KLF7: variants seen among roughly 807,000 people sequenced by gnomAD.
KLF7 encodes Krueppel-like factor 7.
Under a neutral mutation model 27.3 loss-of-function variants are expected in KLF7, and 2 were observed. The ratio of observed to expected loss-of-function variants is 0.07; its 90% CI spans 0.03 to 0.23. KLF7 has a LOEUF of 0.23. Ranked by LOEUF, KLF7 falls within the 10% of genes least tolerant of loss-of-function variation. The probability of loss-of-function intolerance (pLI) is 1.00; values close to 1 mark genes in which losing one functional copy is unlikely to be tolerated. For synonymous variants in KLF7, 165 were observed against 162.4 expected, an observed-to-expected ratio of 1.02 and a Z score of -0.12; for missense variants, 221 against 394.1, an observed-to-expected ratio of 0.56 and a Z score of 3.72.
intron 2 of KLF7, among the ~76,000 whole-genome samples, chr2:207,103,065 T>G (rs1000845634): frequency 6.6e-6 from 1 of 152,120 alleles, no homozygotes; most frequent in Non-Finnish European, 1.5e-5. Flanking sequence ...GTAGCTGGGA[T>G]TACAGGTGCC....
intron 2 of KLF7, among the ~76,000 whole-genome samples, chr2:207,091,325 C>T (rs2076505728): frequency 6.6e-6 from 1 of 152,206 alleles, no homozygotes; most frequent in Non-Finnish European, 1.5e-5. Flanking sequence ...AACCAACTCT[C>T]CAACCCAGGA....
chr2:207,115,465 G>C (rs1255475577), intron 2 of KLF7, among the ~76,000 whole-genome samples: 1 of 152,204 alleles, frequency 6.6e-6, no homozygotes, highest in Admixed American at 6.5e-5. Flanking sequence ...ACCCATTGGT[G>C]ACTGAACATG....
chr2:207,167,616 T>A (rs568937357), upstream of KLF7, among the ~76,000 whole-genome samples: 24 of 152,222 alleles, frequency 1.6e-4, no homozygotes, highest in Non-Finnish European at 3.2e-4. Context: ...TGTCTGGAAT[T>A]CTGTTGGCCA....
intron 1 of KLF7, among the ~76,000 whole-genome samples, chr2:207,132,291 A>T (rs2077656814): frequency 6.6e-6 from 1 of 152,232 alleles, no homozygotes; most frequent in Non-Finnish European, 1.5e-5. Flanking sequence ...AAATGTTAAG[A>T]CTGCATTGCT....
intron 1 of KLF7, among the ~76,000 whole-genome samples, chr2:207,127,365 G>A (rs1452253470): frequency 6.6e-6 from 1 of 152,178 alleles, no homozygotes; most frequent in Non-Finnish European, 1.5e-5. Flanking sequence ...ATGAAGTTAA[G>A]GTAGAGGAGA....
At chr2:207,102,846 C>G (rs1360785277) in intron 2 of KLF7, among the ~76,000 whole-genome samples, 1 of 152,188 alleles carries the variant, frequency 6.6e-6, no homozygotes, top group Non-Finnish European at 1.5e-5. Context: ...TTCCAATCTC[C>G]TTTGCAATTG....
At position 207,081,182 on chromosome 2, in the gene KLF7, G is replaced by A. The variant is rs756480139; in HGVS notation, c.*31C>T. The A allele has an allele frequency of 1.1e-5, 18 of 1,606,022 alleles. No individual in the cohort carries two copies. Among genetic ancestry groups the A allele is most frequent in the African/African-American group, 6.7e-5 (5 of 74,720 alleles). ...ATGGCGTTTCCTTTAGACACTAGCCGATGCCATGGCAACTCTGGCCTTTCG... is the reference window on the plus strand; with the variant it reads ...ATGGCGTTTCCTTTAGACACTAGCCAATGCCATGGCAACTCTGGCCTTTCG... On this transcript the variant is annotated 3_prime_UTR_variant, in exon 4 of 4. Coordinates refer to ENST00000309446, the MANE Select transcript of KLF7 (RefSeq NM_003709.4).
rs758538052 is a variant in KLF7, at chr2:207,165,497, A to C, written c.72T>G (p.Ala24=). ...GCCAGGTCTCCTCCAGGGATGGTAAAGCTGAGAAGTAGCCGGTGTCGTGGA... is the reference window on the plus strand; with the variant it reads ...GCCAGGTCTCCTCCAGGGATGGTAACGCTGAGAAGTAGCCGGTGTCGTGGA... ...QLVHDTGYFS[A]LPSLEETWQQ... The change falls in exon 1 of 4, where the codon GCT becomes GCG. Residue 24 remains alanine, a synonymous_variant. Coordinates refer to ENST00000309446, the MANE Select transcript of KLF7 (RefSeq NM_003709.4). 6.2e-7 allele frequency: 1 copy of C among 1,614,034 alleles called. No homozygotes were observed. The highest frequency in any genetic ancestry group is 1.3e-5 in the African/African-American group (1 of 74,930).
intron 2 of KLF7, among the ~76,000 whole-genome samples, chr2:207,094,237 T>C (rs1574434758): frequency 1.3e-5 from 2 of 152,224 alleles, no homozygotes; most frequent in East Asian, 1.9e-4. Flanking sequence ...CTAATACAAA[T>C]GTTCTGCATT....
intron 1 of KLF7, among the ~76,000 whole-genome samples, chr2:207,159,520 A>G (rs551961478): frequency 1.3e-5 from 2 of 152,340 alleles, no homozygotes; most frequent in South Asian, 4.1e-4. Flanking sequence ...TCAAGCTCCT[A>G]GAGGGCAGAT....
intron 3 of KLF7, among the ~76,000 whole-genome samples, chr2:207,087,774 T>C (rs1317733632): frequency 6.6e-6 from 1 of 152,194 alleles, no homozygotes; most frequent in African/African-American, 2.4e-5. Context: ...GGTTTATTGG[T>C]TGATAATGCC....
intron 3 of KLF7, among the ~76,000 whole-genome samples, chr2:207,085,258 T>G (rs1416807479): frequency 2.1e-5 from 3 of 140,544 alleles, no homozygotes; most frequent in Non-Finnish European, 4.6e-5. Context: ...GAGGCTAAGA[T>G]ACGGGCTGGT....
At chr2:207,118,810 ATTTCAAACTTTAAAGGCC>A (rs1425510136) in intron 2 of KLF7, among the ~76,000 whole-genome samples, 1 of 152,256 alleles carries the variant, frequency 6.6e-6, no homozygotes, top group Non-Finnish European at 1.5e-5. Flanking sequence ...AATAAACTGT[ATTTCAAACTTTAAAGGCC>A]TTTCATTACA....
At chr2:207,098,747 C>CTACA (rs1272211723) in intron 2 of KLF7, among the ~76,000 whole-genome samples, 7 of 149,426 alleles carry the variant, frequency 4.7e-5, no homozygotes, top group Non-Finnish European at 1.0e-4. Context: ...GTAGCTGGGA[C>CTACA]TACAGGCTCT....
At chr2:207,166,970 T>C, upstream of KLF7, 3 of 692,320 alleles carry the variant, frequency 4.3e-6, no homozygotes, top group Non-Finnish European at 3.7e-6. Flanking sequence ...CTCCCGCGCC[T>C]CCTTCTGACC....
intron 1 of KLF7, among the ~76,000 whole-genome samples, chr2:207,149,987 A>T (rs2078198141): frequency 6.6e-6 from 1 of 152,188 alleles, no homozygotes; most frequent in South Asian, 2.1e-4. Flanking sequence ...TGTATTGTTA[A>T]TGAGTCACTG....
intron 2 of KLF7, among the ~76,000 whole-genome samples, chr2:207,108,188 CAAAAACAAAAAT>C (rs1046301297): frequency 3.3e-5 from 5 of 151,804 alleles, no homozygotes; most frequent in East Asian, 1.9e-4. Flanking sequence ...AGGAAAACCA[CAAAAACAAAAAT>C]AAAAACAAAA....
At chr2:207,098,075 G>C (rs1037642886) in intron 2 of KLF7, among the ~76,000 whole-genome samples, 1 of 152,078 alleles carries the variant, frequency 6.6e-6, no homozygotes, top group African/African-American at 2.4e-5. Flanking sequence ...TTTTGAAACA[G>C]GTAAGCATGA....
At chr2:207,142,439 C>T (rs533839685) in intron 1 of KLF7, among the ~76,000 whole-genome samples, 3 of 152,288 alleles carry the variant, frequency 2.0e-5, no homozygotes, top group Admixed American at 1.3e-4. Flanking sequence ...AGACTTCAAG[C>T]GATTCTAGAG....
Sources: allele counts gnomAD v4.1 joint callset (sites outside exome capture counted in the v4.1 genomes callset), GRCh38; gene constraint gnomAD v4.1.1; transcripts MANE v1.5; gene names NCBI Gene and HGNC (gene_info 2026-07-23, HGNC 2026-07-21).